DPH6: variants seen among roughly 807,000 people sequenced by gnomAD.
DPH6 encodes diphthine--ammonia ligase.
A neutral mutation model predicts 38.2 loss-of-function variants in DPH6; 33 were observed. The ratio of observed to expected loss-of-function variants is 0.86; its 90% CI spans 0.65 to 1.15. The LOEUF is 1.15. Ranked by LOEUF, DPH6 falls within the 50% of genes most tolerant of loss-of-function variation. The pLI is 0.00. For missense variants in DPH6, 325 were observed against 320.0 expected (o/e 1.02, Z -0.12); for synonymous variants, 108 against 103.0 (o/e 1.05, Z -0.30).
At chr15:35,158,823 C>T in the DPH6 span, among the ~76,000 whole-genome samples, 1 of 152,056 alleles carries the variant, frequency 6.6e-6, no homozygotes. Flanking sequence ...CGTCTCTCTA[C>T]TTCTGACCAC....
chr15:35,251,720 C>CA (rs201817479), intron 3 of DPH6, among the ~76,000 whole-genome samples: 2,818 of 152,336 alleles, frequency 0.018, 39 homozygotes, highest in Non-Finnish European at 0.03. Flanking sequence ...CATAAAATCT[C>CA]AAACTCTAAC....
chr15:35,251,958 G>A (rs1177666099), intron 3 of DPH6, among the ~76,000 whole-genome samples: 1 of 152,162 alleles, frequency 6.6e-6, no homozygotes, highest in Non-Finnish European at 1.5e-5. Context: ...GGCCAACATG[G>A]TGAAACCCCA....
intron 5 of DPH6, among the ~76,000 whole-genome samples, chr15:35,436,484 C>CAAA (rs1343960472): frequency 0.031 from 1,181 of 38,024 alleles, 47 homozygotes; most frequent in African/African-American, 0.057. Flanking sequence ...CAAACAAAAA[C>CAAA]AAAACAAAAC....
At chr15:35,275,338 T>C (rs1440363813) in intron 3 of DPH6, among the ~76,000 whole-genome samples, 4 of 152,162 alleles carry the variant, frequency 2.6e-5, no homozygotes, top group Non-Finnish European at 5.9e-5. Flanking sequence ...AAAGAAAATG[T>C]GGCACATATA....
intron 3 of DPH6, among the ~76,000 whole-genome samples, chr15:35,251,367 C>T (rs147515066): frequency 1.3e-5 from 2 of 152,322 alleles, no homozygotes; most frequent in Non-Finnish European, 2.9e-5. Flanking sequence ...GCCACTGCCT[C>T]AGTTCATAAT....
At chr15:35,317,710 C>T (rs959867417) in intron 3 of DPH6, among the ~76,000 whole-genome samples, 2 of 151,596 alleles carry the variant, frequency 1.3e-5, no homozygotes, top group Non-Finnish European at 2.9e-5. Context: ...TTGTAAAAAA[C>T]AGTAATTATT....
chr15:35,210,655 T>C, the DPH6 span, among the ~76,000 whole-genome samples: 1 of 152,142 alleles, frequency 6.6e-6, no homozygotes, highest in African/African-American at 2.4e-5. Flanking sequence ...GTATATGTGA[T>C]TAATACTTTT....
rs193072744 is a variant in DPH6 at position 35,319,556 on chromosome 15, C to T, written n.200+53965G>A. On this transcript the variant is annotated intron_variant and non_coding_transcript_variant, in intron 3 of 3. Transcript: ENST00000560386. ...TGGAGTTCAAGACCAGGCTGGCCAA[C>T]GTGGAGAAACCCCGTCTCCACTAAA... Among the ~76,000 whole-genome samples the T allele has an allele frequency of 8.5e-4, 130 of 152,122 alleles. 2 individuals are homozygous for T. In the East Asian group the frequency reaches 0.018, roughly 21 times the overall value.
chr15:35,460,903 T>TA (rs549293460), intron 3 of DPH6, among the ~76,000 whole-genome samples: 7,971 of 114,694 alleles, frequency 0.069, 529 homozygotes, highest in East Asian at 0.15. Context: ...CACAAACTGG[T>TA]AAAAAAAAAA....
chr15:35,257,402 T>A (rs533471265), intron 3 of DPH6, among the ~76,000 whole-genome samples: 18 of 152,312 alleles, frequency 1.2e-4, no homozygotes, highest in Admixed American at 2.6e-4. Flanking sequence ...TGAGTTTCCA[T>A]ACTCATGAAT....
intron 4 of DPH6, 74 bp downstream of exon 4, chr15:35,454,673 G>T: frequency 7.9e-7 from 1 of 1,260,132 alleles, no homozygotes; most frequent in South Asian, 1.3e-5. Context: ...ATTTGAATAT[G>T]ATTATTATTT....
chr15:35,536,763 A>T (rs1194991939), intron 3 of DPH6, among the ~76,000 whole-genome samples: 1 of 152,056 alleles, frequency 6.6e-6, no homozygotes, highest in African/African-American at 2.4e-5. Context: ...ATGAGAAAGA[A>T]ATTTTGAAAA....
intron 3 of DPH6, among the ~76,000 whole-genome samples, chr15:35,470,778 G>T (rs1427471681): frequency 6.6e-6 from 1 of 152,076 alleles, no homozygotes; most frequent in African/African-American, 2.4e-5. Flanking sequence ...AGTACGGAGT[G>T]AACTTAGAAC....
At chr15:35,438,284 GTC>G (rs558012227) in intron 5 of DPH6, among the ~76,000 whole-genome samples, 10 of 151,938 alleles carry the variant, frequency 6.6e-5, no homozygotes, top group South Asian at 2.1e-4. Context: ...TTGAGATGGA[GTC>G]TCTCTCTTTC....
chr15:35,196,510 A>T, the DPH6 span, among the ~76,000 whole-genome samples: 1 of 152,270 alleles, frequency 6.6e-6, no homozygotes, highest in East Asian at 1.9e-4. Flanking sequence ...GGGAGAAGAG[A>T]TGACAAAGGC....
chr15:35,406,221 G>A (rs1005639218), intron 6 of DPH6, among the ~76,000 whole-genome samples: 3 of 151,874 alleles, frequency 2.0e-5, no homozygotes, highest in African/African-American at 7.3e-5. Flanking sequence ...ATGCAGAGAG[G>A]GAAGGATAAC....
intron 3 of DPH6, among the ~76,000 whole-genome samples, chr15:35,360,137 A>G (rs1215425569): frequency 2.6e-5 from 4 of 152,144 alleles, no homozygotes; most frequent in Non-Finnish European, 5.9e-5. Context: ...CACCTTTTCC[A>G]GTCTTTAACA....
downstream of DPH6, among the ~76,000 whole-genome samples, chr15:35,213,999 C>T (rs2051400545): frequency 6.6e-6 from 1 of 151,974 alleles, no homozygotes; most frequent in Admixed American, 6.6e-5. Context: ...GTAGTCCCAG[C>T]TACTCGCGAG....
chr15:35,189,693 T>C, the DPH6 span, among the ~76,000 whole-genome samples: 3 of 152,208 alleles, frequency 2.0e-5, no homozygotes, highest in African/African-American at 2.4e-5. Context: ...CTAAGTCTTC[T>C]GAAATAAATT....
Sources: allele counts gnomAD v4.1 joint callset (sites outside exome capture counted in the v4.1 genomes callset), GRCh38; gene constraint gnomAD v4.1.1; transcripts MANE v1.5; gene names NCBI Gene and HGNC (gene_info 2026-07-23, HGNC 2026-07-21).